The following SRCIN1 variants were observed in gnomAD, a reference collection of about 807,000 sequenced individuals.
The protein encoded by SRCIN1 is P130Cas-associated protein.
A neutral mutation model predicts 116.2 loss-of-function variants in SRCIN1; 50 were observed. That is an observed-to-expected ratio of 0.43 (90% CI 0.34 to 0.54). The LOEUF (loss-of-function observed/expected upper bound fraction) is 0.54, where lower values mean the gene tolerates loss of function less well. Among genes scored for constraint, SRCIN1 ranks in the 20% least tolerant of loss-of-function variants. The pLI, the probability that SRCIN1 is intolerant of heterozygous loss-of-function variation, is 0.02. For missense variants in SRCIN1, 1,446 were observed against 1,672.0 expected (o/e 0.86, Z 2.36); for synonymous variants, 736 against 750.0 (o/e 0.98, Z 0.30).
intron 2 of SRCIN1, 46 bp downstream of exon 2, chr17:38,578,444 C>G: frequency 2.6e-6 from 4 of 1,529,782 alleles, no homozygotes; most frequent in Non-Finnish European, 3.5e-6. Context: ...CTCCCCTGCC[C>G]GCTGGCCGCG....
At chr17:38,547,731 C>T (rs1331814824) in intron 17 of SRCIN1, 3 of 321,374 alleles carry the variant, frequency 9.3e-6, no homozygotes, top group African/African-American at 2.3e-5. Flanking sequence ...AGAGAGAGAG[C>T]TGTGAGAAGT....
intron 18 of SRCIN1, chr17:38,541,441 G>C (rs1904736369): frequency 6.6e-6 from 1 of 152,194 alleles, no homozygotes; most frequent in African/African-American, 2.4e-5. Flanking sequence ...CCTCGTACCG[G>C]CTGGGGCAGC....
At chr17:38,559,805 A>G (rs1258925502) in intron 9 of SRCIN1, 33 bp from the exon 10 acceptor site, 4 of 1,471,552 alleles carry the variant, frequency 2.7e-6, no homozygotes, top group Non-Finnish European at 3.6e-6. Context: ...GAGAAAGTGA[A>G]CAAACTGTGA....
At chr17:38,588,170 T>TG (rs577997634) in intron 1 of SRCIN1, among the ~76,000 whole-genome samples, 3 of 152,280 alleles carry the variant, frequency 2.0e-5, no homozygotes, top group African/African-American at 7.2e-5. Flanking sequence ...CAGTTTCTTC[T>TG]GATCTACCCC....
Position 38,533,190 on chromosome 17 carries a change from C to T in SRCIN1, c.*107G>A, listed in dbSNP as rs2040948594. On this transcript the variant is annotated 3_prime_UTR_variant, in exon 19 of 19. Transcript: ENST00000617146. Reference sequence around the variant, plus strand: ...ACCCTCCTCTTCAGGGCACACCCCTCAGGGCGTCTGGAGAGTAGGGTGGGG... The same window carrying T: ...ACCCTCCTCTTCAGGGCACACCCCTTAGGGCGTCTGGAGAGTAGGGTGGGG... The T allele has an allele frequency of 7.0e-7, 1 of 1,420,998 alleles. No individual in the cohort carries two copies. The highest frequency in any genetic ancestry group is 1.5e-5 in the South Asian group (1 of 68,008). The allele number at this position is 1,420,998 out of a possible 1,614,324, so 88.0% of individuals were successfully genotyped here.
At chr17:38,576,688 C>T (rs1003708144) in intron 2 of SRCIN1, among the ~76,000 whole-genome samples, 2 of 151,918 alleles carry the variant, frequency 1.3e-5, no homozygotes, top group African/African-American at 2.4e-5. Flanking sequence ...CACCCCCAAA[C>T]ATTTCCCTCC....
intron 18 of SRCIN1, 87 bp downstream of exon 18, chr17:38,543,736 G>A: frequency 2.6e-6 from 4 of 1,517,598 alleles, no homozygotes; most frequent in Non-Finnish European, 3.5e-6. Context: ...GCTGGTCACG[G>A]GAGCAGGGGC....
At chr17:38,538,981 C>T (rs1477981288) in intron 18 of SRCIN1, among the ~76,000 whole-genome samples, 4 of 152,334 alleles carry the variant, frequency 2.6e-5, no homozygotes, top group African/African-American at 9.6e-5. Context: ...CGGCGCCCAA[C>T]ACCCTCAGTA....
chr17:38,605,355 T>C (rs1909300444), intron 1 of SRCIN1, among the ~76,000 whole-genome samples: 1 of 122,196 alleles, frequency 8.2e-6, no homozygotes, highest in Non-Finnish European at 1.7e-5. Flanking sequence ...CCCTCCCCCT[T>C]CCACACAAGC....
At position 38,533,148 on chromosome 17, in the gene SRCIN1, T is replaced by G. The variant is rs73982818; in HGVS notation, c.*149A>C. On this transcript the variant is annotated 3_prime_UTR_variant, in exon 19 of 19. Transcript: ENST00000617146. ...AACACCAACAGATGATGGGTAGGGGTCGCTGAGGAGGGCCGCACCCTCCTC... is the reference window on the plus strand; with the variant it reads ...AACACCAACAGATGATGGGTAGGGGGCGCTGAGGAGGGCCGCACCCTCCTC... The G allele has an allele frequency of 0.065, 44,355 of 682,924 alleles. 3,091 individuals carry two copies. Among genetic ancestry groups the G allele is most frequent in the African/African-American group, 0.31 (14,478 of 46,048 alleles). The allele number at this position is 682,924 out of a possible 1,614,324, so 42.3% of individuals were successfully genotyped here.
At chr17:38,555,337 T>G (rs558282830) in intron 11 of SRCIN1, among the ~76,000 whole-genome samples, 10 of 152,306 alleles carry the variant, frequency 6.6e-5, no homozygotes, top group Non-Finnish European at 1.3e-4. Context: ...CCATGCTCCT[T>G]TCTCCTTTTC....
Position 38,578,662 on chromosome 17 carries a change from T to G in SRCIN1, c.152A>C (p.His51Pro). The stretch of plus-strand genomic sequence containing the variant: ...CACCGTGTGCCGCCGCTCGGACGTG[T>G]GCACCAGCCCCACGTTGGAGAAGCG... Reference protein sequence around the residue: ...GRRFSNVGLVHTSERRHTVIA... With the variant: ...GRRFSNVGLVPTSERRHTVIA... The change falls in exon 2 of 19, where the codon CAC becomes CCC. Residue 51 changes from histidine to proline, a missense_variant. Physicochemically the swap from His to Pro is moderately conservative, Grantham distance 77 (BLOSUM62 -2). Coordinates refer to ENST00000617146, the MANE Select transcript of SRCIN1 (RefSeq NM_025248.3). 6.3e-7 allele frequency: 1 copy of G among 1,575,362 alleles called. No individual in the cohort carries two copies.
chr17:38,533,137 A>T lies in SRCIN1; in HGVS notation c.*160T>A. 3.6e-5 allele frequency: 18 copies of T among 499,472 alleles called. No homozygotes were observed. Among genetic ancestry groups the T allele is most frequent in the Non-Finnish European group, 4.5e-5 (15 of 330,514 alleles). 30.9% of individuals were successfully genotyped at this position (499,472 alleles called of 1,614,324 possible). ...ACAAAACCAAAAACACCAACAGATGATGGGTAGGGGTCGCTGAGGAGGGCC... is the reference window on the plus strand; with the variant it reads ...ACAAAACCAAAAACACCAACAGATGTTGGGTAGGGGTCGCTGAGGAGGGCC... On this transcript the variant is annotated 3_prime_UTR_variant, in exon 19 of 19. Coordinates refer to ENST00000617146, the MANE Select transcript of SRCIN1 (RefSeq NM_025248.3).
At chr17:38,582,815 T>C (rs1431573885) in intron 1 of SRCIN1, among the ~76,000 whole-genome samples, 1 of 152,164 alleles carries the variant, frequency 6.6e-6, no homozygotes, top group African/African-American at 2.4e-5. Flanking sequence ...TCCTACTTTG[T>C]ACAGATTTAA....
At chr17:38,580,625 G>A (rs773320988) in intron 1 of SRCIN1, among the ~76,000 whole-genome samples, 30 of 152,100 alleles carry the variant, frequency 2.0e-4, no homozygotes, top group Non-Finnish European at 3.8e-4. Flanking sequence ...CACTCTCCAC[G>A]ATGACTGTTT....
At chr17:38,549,329 G>T in intron 15 of SRCIN1, 119 bp from the exon 16 acceptor site, 1 of 1,047,378 alleles carries the variant, frequency 9.5e-7, no homozygotes, top group South Asian at 2.0e-5. Context: ...GAGGAGGTGA[G>T]AGGAAAGCCT....
At chr17:38,592,623 T>C (rs1267754656) in intron 1 of SRCIN1, among the ~76,000 whole-genome samples, 1 of 152,198 alleles carries the variant, frequency 6.6e-6, no homozygotes, top group African/African-American at 2.4e-5. Context: ...GAAAAAATAG[T>C]GCCTCCCTTG....
intron 18 of SRCIN1, among the ~76,000 whole-genome samples, chr17:38,539,058 T>C (rs1904566052): frequency 6.6e-6 from 1 of 152,206 alleles, no homozygotes; most frequent in African/African-American, 2.4e-5. Context: ...CTTTGGCTGT[T>C]TCCACCTGGA....
chr17:38,590,919 C>T (rs1277045622), intron 1 of SRCIN1, among the ~76,000 whole-genome samples: 1 of 152,216 alleles, frequency 6.6e-6, no homozygotes. Flanking sequence ...CCCTCCTTCC[C>T]AGCTAATCTT....
Sources: gnomAD v4.1 joint callset for allele counts (sites outside exome capture counted in the v4.1 genomes callset) on GRCh38, gnomAD v4.1.1 for gene constraint, MANE v1.5 for transcripts, NCBI Gene and HGNC (gene_info 2026-07-23, HGNC 2026-07-21) for gene names.